The following SNURF variants were observed in gnomAD, a reference collection of about 807,000 sequenced individuals.
SNURF encodes SNURF protein.
In SNURF, 6 loss-of-function variants were observed where a neutral mutation model predicts 11.6. The ratio of observed to expected loss-of-function variants is 0.52; its 90% CI spans 0.28 to 1.02. The LOEUF (loss-of-function observed/expected upper bound fraction) is 1.02. Ranked by LOEUF, SNURF falls within the 50% of genes least tolerant of loss-of-function variation. The probability of loss-of-function intolerance (pLI) is 0.09; values close to 1 mark genes in which losing one functional copy is unlikely to be tolerated. For missense variants in SNURF, 84 were observed against 88.4 expected, an observed-to-expected ratio of 0.95 and a Z score of 0.20; for synonymous variants, 29 against 31.6, an observed-to-expected ratio of 0.92 and a Z score of 0.27.
chr15:24,965,970 A>C (rs1003848324), intron 2 of SNURF, among the ~76,000 whole-genome samples: 1 of 152,176 alleles, frequency 6.6e-6, no homozygotes, highest in Non-Finnish European at 1.5e-5. Context: ...TGCCCAAATT[A>C]AGATTTATTT....
At chr15:24,973,812 T>C (rs1453030987), downstream of SNURF, among the ~76,000 whole-genome samples, 1 of 152,226 alleles carries the variant, frequency 6.6e-6, no homozygotes, top group Non-Finnish European at 1.5e-5. Context: ...TGGGAAGTCT[T>C]AGGCAGGTTT....
chr15:24,967,995 A>G (rs201516822), exon 3 of SNURF: 1 of 1,614,116 alleles, frequency 6.2e-7, no homozygotes, highest in East Asian at 2.2e-5. Context: ...TCCAGGCTGA[A>G]CTGAGGCAGG....
Position 24,964,801 on chromosome 15 carries a change from A to G in SNURF, c.110+2592A>G, listed in dbSNP as rs1486758906. Reference sequence around the variant, plus strand: ...CCTATGTAACCTCAGTGTGGACTAAATAACAGGTAGTCTCATCCTCATCTT... The same window carrying G: ...CCTATGTAACCTCAGTGTGGACTAAGTAACAGGTAGTCTCATCCTCATCTT... On this transcript the variant is annotated intron_variant, in intron 2 of 2. Transcript: ENST00000577949. Among the ~76,000 whole-genome samples the G allele has an allele frequency of 5.3e-5, 8 of 152,322 alleles. No individual in the cohort carries two copies. In the East Asian group the frequency reaches 1.4e-3, roughly 26 times the overall value.
At chr15:24,968,153 T>A in exon 3 of SNURF, 1 of 888,268 alleles carries the variant, frequency 1.1e-6, no homozygotes, top group Non-Finnish European at 1.8e-6. Context: ...GTTCTCTTAA[T>A]TATCAGTGAC....
At chr15:24,962,314 C>G in intron 2 of SNURF, 105 bp downstream of exon 2, 1 of 883,526 alleles carries the variant, frequency 1.1e-6, no homozygotes, top group South Asian at 1.4e-5. Context: ...ATTGAAGAAG[C>G]AGACACATCT....
intron 2 of SNURF, among the ~76,000 whole-genome samples, chr15:24,965,590 T>G (rs1241179567): frequency 1.3e-5 from 2 of 152,214 alleles, no homozygotes; most frequent in African/African-American, 4.8e-5. Flanking sequence ...TTATTCTGTC[T>G]TTCAGTGTAT....
At chr15:24,971,732 A>G (rs894574805), downstream of SNURF, among the ~76,000 whole-genome samples, 1 of 152,174 alleles carries the variant, frequency 6.6e-6, no homozygotes, top group Non-Finnish European at 1.5e-5. Context: ...TCTGGCATAA[A>G]TGGGTTAAAA....
downstream of SNURF, among the ~76,000 whole-genome samples, chr15:24,969,826 C>T (rs573458646): frequency 2.6e-5 from 4 of 152,286 alleles, no homozygotes; most frequent in East Asian, 7.7e-4. Context: ...TGGACCACTA[C>T]CTGTGTCTAT....
At chr15:24,978,419 C>A, downstream of SNURF, 4 of 1,613,906 alleles carry the variant, frequency 2.5e-6, no homozygotes, top group Non-Finnish European at 3.4e-6. Flanking sequence ...CCACCTCCCC[C>A]AGGAATGCGT....
intron 2 of SNURF, chr15:24,967,142 A>G (rs945041615): frequency 3.3e-5 from 5 of 152,142 alleles, no homozygotes. Flanking sequence ...TTCACACAGG[A>G]TAATTTGAAA....
At chr15:24,966,466 T>C (rs2855523) in intron 2 of SNURF, among the ~76,000 whole-genome samples, 48,414 of 151,914 alleles carry the variant, frequency 0.32, 8,119 homozygotes, top group East Asian at 0.51. Flanking sequence ...TTGACAAGAT[T>C]GAATCACTGG....
intron 4 of SNURF, chr15:24,976,281 C>G: frequency 6.3e-7 from 1 of 1,586,868 alleles, no homozygotes; most frequent in Non-Finnish European, 8.7e-7. Context: ...ATTTATCTCA[C>G]TAAAATTTAA....
At chr15:24,978,687 T>C (rs1309827265), downstream of SNURF, 1 of 547,562 alleles carries the variant, frequency 1.8e-6, no homozygotes, top group South Asian at 2.7e-5. Flanking sequence ...TCATATTCTC[T>C]TTAATTCTTA....
exon 4 of SNURF, chr15:24,975,509 A>G (rs771074349): frequency 1.9e-6 from 3 of 1,612,980 alleles, no homozygotes; most frequent in Non-Finnish European, 2.5e-6. Flanking sequence ...AGAAAGATCA[A>G]GTAAGGCTGA....
intron 2 of SNURF, among the ~76,000 whole-genome samples, chr15:24,965,045 T>A (rs1467974070): frequency 1.3e-5 from 2 of 152,186 alleles, no homozygotes; most frequent in Non-Finnish European, 2.9e-5. Context: ...TGAGAGTAAT[T>A]GGATTATGGA....
At chr15:24,961,991 C>T in intron 1 of SNURF, 123 bp from the exon 2 acceptor site, 3 of 890,080 alleles carry the variant, frequency 3.4e-6, no homozygotes, top group Non-Finnish European at 5.5e-6. Context: ...AATAATTTTA[C>T]CTTGTTTTAA....
downstream of SNURF, among the ~76,000 whole-genome samples, chr15:24,971,479 A>G (rs760930132): frequency 3.4e-4 from 52 of 151,514 alleles, no homozygotes; most frequent in Non-Finnish European, 6.6e-4. Flanking sequence ...TAGGAGGTCA[A>G]CTCCTATTGT....
At chr15:24,974,489 G>A (rs911530750) in intron 3 of SNURF, 1 of 1,608,842 alleles carries the variant, frequency 6.2e-7, no homozygotes, top group Non-Finnish European at 8.5e-7. Context: ...GGGTTGAAAT[G>A]TGCTGTAAGG....
chr15:24,977,167 T>G, intron 6 of SNURF: 1 of 600,384 alleles, frequency 1.7e-6, no homozygotes, highest in South Asian at 3.5e-5. Context: ...CACAGATATA[T>G]GGGAGGAAGG....
Sources: allele counts gnomAD v4.1 joint callset (sites outside exome capture counted in the v4.1 genomes callset), GRCh38; gene constraint gnomAD v4.1.1; transcripts MANE v1.5; gene names NCBI Gene and HGNC (gene_info 2026-07-23, HGNC 2026-07-21).